Variants in STPG2 observed in about 807,000 individuals in gnomAD.
The protein encoded by STPG2 is sperm-tail PG-rich repeat-containing protein 2.
In STPG2, 56 loss-of-function variants were observed where a neutral mutation model predicts 54.2. The observed-to-expected ratio is 1.03, with a 90% CI of 0.83 to 1.29. STPG2 has a LOEUF of 1.29. Ranked by LOEUF, STPG2 falls within the 50% of genes most tolerant of loss-of-function variation. The probability of loss-of-function intolerance (pLI) is 0.00; values close to 1 mark genes in which losing one functional copy is unlikely to be tolerated. For synonymous variants in STPG2, 200 were observed against 181.8 expected (o/e 1.10, Z -0.81); for missense variants, 596 against 544.9 (o/e 1.09, Z -0.93).
At chr4:97,782,780 T>A (rs1181830521) in intron 9 of STPG2, among the ~76,000 whole-genome samples, 1 of 151,992 alleles carries the variant, frequency 6.6e-6, no homozygotes, top group Non-Finnish European at 1.5e-5. Context: ...ATATCACACA[T>A]CTACAACCAT....
Position 98,121,881 on chromosome 4 carries a change from CA to C in STPG2, c.387+6546del, listed in dbSNP as rs548388935. Among the ~76,000 whole-genome samples the C allele has an allele frequency of 4.3e-4, 66 of 152,104 alleles. 1 individual carries two copies. In the South Asian group the frequency reaches 0.014, roughly 32 times the overall value. ...GGACTACAGGCGTGCATCACCATGCCAAGCTAATTTTTGTATTTTTAGTACA... is the reference window on the plus strand; with the variant it reads ...GGACTACAGGCGTGCATCACCATGCCAGCTAATTTTTGTATTTTTAGTACA... On this transcript the variant is annotated intron_variant, in intron 3 of 10. Transcript: ENST00000295268.
intron 6 of STPG2, among the ~76,000 whole-genome samples, chr4:97,978,639 C>T (rs1314650453): frequency 6.6e-6 from 1 of 152,112 alleles, no homozygotes; most frequent in Non-Finnish European, 1.5e-5. Flanking sequence ...CAATCCCACA[C>T]ATGTGCCCCT....
At chr4:97,561,900 C>T (rs574334047) in intron 10 of STPG2, among the ~76,000 whole-genome samples, 1 of 152,256 alleles carries the variant, frequency 6.6e-6, no homozygotes, top group African/African-American at 2.4e-5. Flanking sequence ...GTTCTTTTGG[C>T]TTAGGATTGA....
chr4:97,982,769 T>C (rs1159103087), intron 5 of STPG2, among the ~76,000 whole-genome samples: 1 of 152,168 alleles, frequency 6.6e-6, no homozygotes, highest in Non-Finnish European at 1.5e-5. Context: ...TAATAGAACC[T>C]TACTTACTTG....
At chr4:97,929,496 C>T (rs539692940) in intron 8 of STPG2, among the ~76,000 whole-genome samples, 1 of 152,142 alleles carries the variant, frequency 6.6e-6, no homozygotes, top group African/African-American at 2.4e-5. Context: ...CCCACCAACA[C>T]TCTACAAGCA....
intron 5 of STPG2, among the ~76,000 whole-genome samples, chr4:98,042,970 A>G (rs139663656): frequency 0.018 from 2,745 of 152,106 alleles, 31 homozygotes; most frequent in Non-Finnish European, 0.027. Flanking sequence ...CTATCAATTT[A>G]TCATTTCAGA....
intron 4 of STPG2, among the ~76,000 whole-genome samples, chr4:98,108,002 A>G (rs1739235937): frequency 6.6e-6 from 1 of 152,162 alleles, no homozygotes; most frequent in Non-Finnish European, 1.5e-5. Flanking sequence ...GAATAAAAAT[A>G]CAAAGGTATA....
chr4:97,878,322 G>A (rs188380408), intron 8 of STPG2, among the ~76,000 whole-genome samples: 37 of 152,278 alleles, frequency 2.4e-4, no homozygotes, highest in South Asian at 8.3e-4. Context: ...AACTGTGTGC[G>A]GGGACTCACA....
At chr4:97,859,631 A>T (rs770967829) in intron 8 of STPG2, among the ~76,000 whole-genome samples, 10 of 151,726 alleles carry the variant, frequency 6.6e-5, no homozygotes, top group Non-Finnish European at 1.3e-4. Flanking sequence ...TGCCTAGCTA[A>T]TTTTTGTATT....
At chr4:97,894,633 T>A (rs1730893416) in intron 8 of STPG2, among the ~76,000 whole-genome samples, 1 of 151,906 alleles carries the variant, frequency 6.6e-6, no homozygotes, top group Non-Finnish European at 1.5e-5. Flanking sequence ...GTCAGCTTAT[T>A]TTAATATTGA....
At chr4:97,553,442 G>A (rs1732010316) in intron 4 of STPG2, among the ~76,000 whole-genome samples, 2 of 152,128 alleles carry the variant, frequency 1.3e-5, no homozygotes, top group African/African-American at 2.4e-5. Flanking sequence ...TATAAGTTAT[G>A]CAAGCAGTTT....
chr4:97,861,400 T>C (rs1402453243), intron 8 of STPG2, among the ~76,000 whole-genome samples: 1 of 152,154 alleles, frequency 6.6e-6, no homozygotes, highest in East Asian at 1.9e-4. Context: ...GGTGGGAATG[T>C]AAATTAGTAC....
At chr4:97,895,811 T>C (rs1305509230) in intron 8 of STPG2, among the ~76,000 whole-genome samples, 1 of 151,752 alleles carries the variant, frequency 6.6e-6, no homozygotes, top group Non-Finnish European at 1.5e-5. Context: ...CAATCCTGTC[T>C]GTGGGAATCA....
At chr4:97,749,929 T>C (rs959866562) in intron 9 of STPG2, among the ~76,000 whole-genome samples, 3 of 151,778 alleles carry the variant, frequency 2.0e-5, no homozygotes, top group East Asian at 1.9e-4. Flanking sequence ...TTGAGGACAG[T>C]TCCCGTCCAG....
intron 9 of STPG2, among the ~76,000 whole-genome samples, chr4:97,812,177 T>C (rs964934839): frequency 2.6e-5 from 4 of 152,114 alleles, no homozygotes; most frequent in Non-Finnish European, 5.9e-5. Flanking sequence ...TAATTAAGAA[T>C]GCAGATTTGA....
chr4:97,807,866 C>A (rs1285372579), intron 9 of STPG2, among the ~76,000 whole-genome samples: 2 of 151,656 alleles, frequency 1.3e-5, no homozygotes, highest in Admixed American at 6.6e-5. Flanking sequence ...TTTTCAAAAA[C>A]CAAAGACAAT....
intron 4 of STPG2, among the ~76,000 whole-genome samples, chr4:97,541,692 G>A (rs1366818113): frequency 6.6e-6 from 1 of 152,136 alleles, no homozygotes; most frequent in East Asian, 1.9e-4. Context: ...AACAAAGCTG[G>A]AGGCATCACA....
intron 8 of STPG2, among the ~76,000 whole-genome samples, chr4:97,880,457 A>T (rs1730328987): frequency 6.6e-6 from 1 of 152,204 alleles, no homozygotes; most frequent in African/African-American, 2.4e-5. Flanking sequence ...TATTTCATTT[A>T]GAAGCAGCAG....
intron 10 of STPG2, among the ~76,000 whole-genome samples, chr4:97,635,606 C>G (rs1721487366): frequency 6.6e-6 from 1 of 152,150 alleles, no homozygotes; most frequent in African/African-American, 2.4e-5. Flanking sequence ...GTCTCACGTG[C>G]AGAGACACAT....
Sources: gnomAD v4.1 joint callset for allele counts (sites outside exome capture counted in the v4.1 genomes callset) on GRCh38, gnomAD v4.1.1 for gene constraint, MANE v1.5 for transcripts, NCBI Gene and HGNC (gene_info 2026-07-23, HGNC 2026-07-21) for gene names.